The following CMYA5 variants were observed in gnomAD, a reference collection of about 807,000 sequenced individuals.
CMYA5 encodes cardiomyopathy-associated protein 5.
Under a neutral mutation model 318.9 loss-of-function variants are expected in CMYA5, and 246 were observed. That is an observed-to-expected ratio of 0.77 (90% CI 0.70 to 0.86). The LOEUF (loss-of-function observed/expected upper bound fraction) is 0.86. Among genes scored for constraint, CMYA5 ranks in the 40% least tolerant of loss-of-function variants. The probability of loss-of-function intolerance (pLI) is 0.00; values close to 1 mark genes in which losing one functional copy is unlikely to be tolerated. For synonymous variants in CMYA5, 1,641 were observed against 1,729.5 expected (o/e 0.95, Z 1.27); for missense variants, 4,589 against 4,678.2 (o/e 0.98, Z 0.56).
At position 79,738,984 on chromosome 5, in the gene CMYA5, C is replaced by T; in HGVS notation, c.10219C>T (p.Pro3407Ser). 6.2e-7 allele frequency: 1 copy of T among 1,613,828 alleles called. No individual in the cohort carries two copies. The highest frequency in any genetic ancestry group is 8.5e-7 in the Non-Finnish European group (1 of 1,179,828). Residue 3407 changes from proline to serine, a missense_variant, in exon 2 of 13, where the codon CCA (proline) becomes TCA (serine). By Grantham distance (74) the Pro-to-Ser change is moderately conservative. Around this residue, in one of 3 missense-constraint regions of CMYA5, gnomAD observed 2,431 missense variants for 2,495.1 expected, o/e 0.97. Transcript: ENST00000446378. ...EEPKILVPPE[P>S]SEERLRNSPV... ...ACCTAAAATCCTGGTCCCACCTGAG[C>T]CAAGTGAAGAGAGGCTCCGTAATAG...
intron 5 of CMYA5, among the ~76,000 whole-genome samples, chr5:79,751,214 G>A (rs1046976079): frequency 6.6e-6 from 1 of 152,102 alleles, no homozygotes. Flanking sequence ...TGAACTCTCA[G>A]TGGGTATGAA....
chr5:79,694,699 G>A (rs540489171), intron 1 of CMYA5, among the ~76,000 whole-genome samples: 2 of 152,294 alleles, frequency 1.3e-5, no homozygotes, highest in East Asian at 3.9e-4. Context: ...AAGGTGCAAG[G>A]AATTTGTAAA....
chr5:79,733,099 T>C lies in CMYA5; in HGVS notation c.4334T>C (p.Phe1445Ser), dbSNP rs1254682745. The change falls in exon 2 of 13, where the codon TTT becomes TCT. Residue 1445 changes from phenylalanine to serine, a missense_variant. By Grantham distance (155) the Phe-to-Ser change is radical. Coordinates refer to ENST00000446378, the MANE Select transcript of CMYA5 (RefSeq NM_153610.5). The part of the protein sequence containing the change: ...AWSEAEKEIK[F>S]DSLPSVSSIA... ...TCAGAAGCAGAGAAGGAAATTAAAT[T>C]TGATTCACTTCCAAGTGTCTCCTCT... 2 of 1,613,612 alleles carry C rather than the reference T, an allele frequency of 1.2e-6. No homozygotes were observed. Among genetic ancestry groups the C allele is most frequent in the Non-Finnish European group, 1.7e-6 (2 of 1,179,816 alleles).
rs776648547 is a variant in CMYA5 at position 79,729,924 on chromosome 5, GCAACTATGTTCCTGAGAA to G, written c.1164_1181del (p.Met389_Thr394del). ...TCCATCTGTGACACCCGACACACCT[GCAACTATGTTCCTGAGAA>G]CAACAAAGGAAGAATGTGAGCTTGC... is the stretch of plus-strand genomic sequence containing the variant. On this transcript the variant is annotated inframe_deletion, in exon 2 of 13. Coordinates refer to ENST00000446378, the MANE Select transcript of CMYA5 (RefSeq NM_153610.5). The G allele has an allele frequency of 2.0e-5, 33 of 1,613,634 alleles. No individual in the cohort carries two copies. The South Asian group carries it at 2.3e-4, about 11-fold the overall frequency.
At chr5:79,756,428 T>G (rs1432713746) in intron 6 of CMYA5, among the ~76,000 whole-genome samples, 2 of 152,236 alleles carry the variant, frequency 1.3e-5, no homozygotes, top group African/African-American at 2.4e-5. Flanking sequence ...ACTGGTTATC[T>G]GTCAGCCACT....
chr5:79,738,826 A>AAGC lies in CMYA5; in HGVS notation c.10064_10066dup (p.Ala3355dup), dbSNP rs764461135. On this transcript the variant is annotated inframe_insertion, in exon 2 of 13. Transcript: ENST00000446378. The stretch of plus-strand genomic sequence containing the variant: ...CATCATGTTCTGGAGCGTGCAGATG[A>AAGC]AGCAGGCAGTCACGGTAATGAAGTC... 6.2e-7 allele frequency: 1 copy of AAGC among 1,613,886 alleles called. No individual in the cohort carries two copies.
At chr5:79,702,091 G>A (rs1482730763) in intron 1 of CMYA5, among the ~76,000 whole-genome samples, 1 of 151,804 alleles carries the variant, frequency 6.6e-6, no homozygotes, top group African/African-American at 2.4e-5. Flanking sequence ...GTGACAGAGC[G>A]AGACTCCATC....
intron 9 of CMYA5, among the ~76,000 whole-genome samples, chr5:79,771,642 T>C (rs1012607786): frequency 3.3e-5 from 5 of 152,184 alleles, no homozygotes; most frequent in African/African-American, 7.2e-5. Flanking sequence ...TGGCGTTCCA[T>C]TGAGGGCCTT....
At chr5:79,788,466 ATTTTTTT>A (rs3061542) in intron 9 of CMYA5, among the ~76,000 whole-genome samples, 2 of 139,602 alleles carry the variant, frequency 1.4e-5, no homozygotes, top group Non-Finnish European at 3.1e-5. Context: ...AACTTTGAGA[ATTTTTTT>A]TTTTTTTTTT....
chr5:79,717,919 C>T lies in CMYA5; in HGVS notation c.150-10996C>T, dbSNP rs1348345016. On this transcript the variant is annotated intron_variant, in intron 1 of 12. Coordinates refer to ENST00000446378, the MANE Select transcript of CMYA5 (RefSeq NM_153610.5). ...TTTTTTTTTTTTTGAGACGGAGTCT[C>T]GCTCTGTCGCCCAGGCTGGAGTGCA... 1.9e-4 allele frequency among the ~76,000 whole-genome samples: 8 copies of T among 41,484 alleles called. 2 individuals are homozygous for T. Among genetic ancestry groups the T allele is most frequent in the Admixed American group, 6.0e-4 (3 of 4,962 alleles). 27.2% of individuals were successfully genotyped at this position (41,484 alleles called of 152,430 possible).
chr5:79,742,815 G>A (rs901438442), intron 2 of CMYA5, among the ~76,000 whole-genome samples: 5 of 152,026 alleles, frequency 3.3e-5, no homozygotes, highest in South Asian at 4.1e-4. Context: ...ACAATGTTGC[G>A]AAAGCCCAAT....
At chr5:79,758,578 T>TA (rs1212989374) in intron 6 of CMYA5, among the ~76,000 whole-genome samples, 175 bp from the exon 7 acceptor site, 2 of 151,328 alleles carry the variant, frequency 1.3e-5, no homozygotes, top group East Asian at 3.9e-4. Flanking sequence ...TAAAATAAAA[T>TA]AAAAAATAAA....
intron 7 of CMYA5, among the ~76,000 whole-genome samples, chr5:79,759,874 T>A (rs1828614130): frequency 6.6e-6 from 1 of 152,242 alleles, no homozygotes; most frequent in Non-Finnish European, 1.5e-5. Flanking sequence ...TGGCTAAATC[T>A]GTCTGTAATG....
chr5:79,753,257 A>C (rs144347529), intron 6 of CMYA5, among the ~76,000 whole-genome samples: 1 of 152,162 alleles, frequency 6.6e-6, no homozygotes, highest in Admixed American at 6.5e-5. Flanking sequence ...AGCTTAGAGA[A>C]CTATCAGCTC....
intron 1 of CMYA5, among the ~76,000 whole-genome samples, chr5:79,700,224 T>G (rs1043749567): frequency 2.0e-5 from 3 of 152,246 alleles, no homozygotes; most frequent in South Asian, 4.1e-4. Flanking sequence ...TTTAGAATCA[T>G]GAATTCAGAA....
At position 79,744,047 on chromosome 5, in the gene CMYA5, G is replaced by A. The variant is rs150076248; in HGVS notation, c.10734+125G>A. ...ATGTGTTGTTTGCCATTGTTGGTTC[G>A]GTTCCATTCAAAGCGAGAATGCTTA... is the stretch of plus-strand genomic sequence containing the variant. On this transcript the variant is annotated intron_variant, in intron 3 of 12. Coordinates refer to ENST00000446378, the MANE Select transcript of CMYA5 (RefSeq NM_153610.5). 722 of 526,780 alleles carry A rather than the reference G, an allele frequency of 1.4e-3. 2 individuals are homozygous for A. The highest frequency in any genetic ancestry group is 2.3e-3 in the Non-Finnish European group (678 of 300,986). 32.6% of individuals were successfully genotyped at this position (526,780 alleles called of 1,614,324 possible).
At position 79,737,132 on chromosome 5, in the gene CMYA5, A is replaced by G; in HGVS notation, c.8367A>G (p.Lys2789=). The change falls in exon 2 of 13, where the codon AAA becomes AAG. Residue 2789 remains lysine (K), a synonymous_variant. Coordinates refer to ENST00000446378, the MANE Select transcript of CMYA5 (RefSeq NM_153610.5). ...GTATGAAAGAAGGATTTCCATCTAA[A>G]GAATCCGAAAGGACTTTAGCTCGTC... ...KESMKEGFPS[K]ESERTLARPF... is the part of the protein sequence containing the mutation. 6.2e-7 allele frequency: 1 copy of G among 1,613,408 alleles called. No individual in the cohort carries two copies. The highest frequency in any genetic ancestry group is 8.5e-7 in the Non-Finnish European group (1 of 1,179,704).
chr5:79,787,855 C>A (rs543754526), intron 9 of CMYA5, among the ~76,000 whole-genome samples: 1 of 151,932 alleles, frequency 6.6e-6, no homozygotes, highest in South Asian at 2.1e-4. Flanking sequence ...AACATTTTTT[C>A]GTTTTTCTGG....
At chr5:79,716,793 G>A (rs2151080151) in intron 1 of CMYA5, among the ~76,000 whole-genome samples, 1 of 152,232 alleles carries the variant, frequency 6.6e-6, no homozygotes. Flanking sequence ...GTTTTACGGT[G>A]GAGCTACTTT....
Sources: allele counts gnomAD v4.1 joint callset (sites outside exome capture counted in the v4.1 genomes callset), GRCh38; gene constraint gnomAD v4.1.1; regional missense constraint gnomAD v4.1.1; transcripts MANE v1.5; gene names NCBI Gene and HGNC (gene_info 2026-07-23, HGNC 2026-07-21).